Variants in AGMO observed in about 807,000 individuals in gnomAD.
The protein encoded by AGMO is glyceryl-ether monooxygenase.
In AGMO, 75 loss-of-function variants were observed where a neutral mutation model predicts 60.2. The observed-to-expected ratio is 1.25, with a 90% CI of 1.03 to 1.51. The LOEUF (loss-of-function observed/expected upper bound fraction) is 1.51. Ranked by LOEUF, AGMO falls within the 40% of genes most tolerant of loss-of-function variation. AGMO has a pLI of 0.00. For synonymous variants in AGMO, 261 were observed against 177.1 expected (o/e 1.47, Z -3.76); for missense variants, 763 against 525.5 (o/e 1.45, Z -4.42).
At chr7:15,425,437 ATT>A (rs34010266) in intron 4 of AGMO, among the ~76,000 whole-genome samples, 3 of 143,450 alleles carry the variant, frequency 2.1e-5, no homozygotes, top group Admixed American at 7.0e-5. Flanking sequence ...TGTTTATTTT[ATT>A]TTTTTTTTTT....
chr7:15,467,073 A>G (rs1298531482), intron 3 of AGMO, among the ~76,000 whole-genome samples: 3 of 152,192 alleles, frequency 2.0e-5, no homozygotes, highest in South Asian at 4.1e-4. Context: ...ATATAGTTCT[A>G]TAATACTGCT....
At position 15,354,385 on chromosome 7, in the gene AGMO, T is replaced by TGTGTATACAC. The variant is rs1455945717; in HGVS notation, c.1263+11128_1263+11129insGTGTATACAC. Among the ~76,000 whole-genome samples the TGTGTATACAC allele has an allele frequency of 1.9e-3, 18 of 9,672 alleles. 1 individual carries two copies. Among genetic ancestry groups the TGTGTATACAC allele is most frequent in the South Asian group, 4.3e-3 (1 of 232 alleles). The allele number at this position is 9,672 out of a possible 152,430, so 6.3% of individuals were successfully genotyped here. ...GTGTATATAGACGTGTGTATACACG[T>TGTGTATACAC]GTGTGTATACACGTGTGTGTACACA... On this transcript the variant is annotated intron_variant, in intron 12 of 12. Coordinates refer to ENST00000342526, the MANE Select transcript of AGMO (RefSeq NM_001004320.2).
At chr7:15,185,992 G>T in the AGMO span, among the ~76,000 whole-genome samples, 2 of 152,174 alleles carry the variant, frequency 1.3e-5, no homozygotes, top group African/African-American at 4.8e-5. Context: ...TTGTGGGCAA[G>T]ATGTCTAGTT....
intron 12 of AGMO, among the ~76,000 whole-genome samples, chr7:15,222,833 T>C (rs1330793255): frequency 3.9e-5 from 6 of 152,042 alleles, no homozygotes; most frequent in Non-Finnish European, 8.8e-5. Flanking sequence ...CCATATACTT[T>C]AGTGTTCATT....
At chr7:15,547,697 G>A (rs1006733385) in intron 2 of AGMO, among the ~76,000 whole-genome samples, 5 of 152,172 alleles carry the variant, frequency 3.3e-5, no homozygotes, top group East Asian at 3.9e-4. Context: ...TGCTAGCACA[G>A]CAGTCTGAGA....
At chr7:15,480,978 A>G (rs1162887280) in intron 3 of AGMO, among the ~76,000 whole-genome samples, 3 of 152,088 alleles carry the variant, frequency 2.0e-5, no homozygotes, top group Admixed American at 6.6e-5. Context: ...ATGTATAAAC[A>G]TTATGTTTAT....
chr7:15,543,427 G>A (rs1784684620), intron 3 of AGMO, among the ~76,000 whole-genome samples: 1 of 152,176 alleles, frequency 6.6e-6, no homozygotes, highest in Admixed American at 6.6e-5. Flanking sequence ...CAGTGAACCA[G>A]TGCAGTAAGA....
At chr7:15,557,233 T>C (rs1274241859) in intron 2 of AGMO, among the ~76,000 whole-genome samples, 2 of 152,136 alleles carry the variant, frequency 1.3e-5, no homozygotes, top group African/African-American at 4.8e-5. Context: ...TGATTTCCAC[T>C]TCTTTTGTCA....
intron 12 of AGMO, among the ~76,000 whole-genome samples, chr7:15,208,310 A>G (rs1215511688): frequency 2.0e-5 from 3 of 152,216 alleles, no homozygotes; most frequent in Non-Finnish European, 4.4e-5. Flanking sequence ...AACATTTGGA[A>G]GAACACTGAC....
At position 15,321,818 on chromosome 7, in the gene AGMO, C is replaced by T. The variant is rs1781116880; in HGVS notation, c.1263+43696G>A. Among the ~76,000 whole-genome samples the T allele has an allele frequency of 2.6e-5, 4 of 152,096 alleles. No homozygotes were observed. In the South Asian group the frequency reaches 8.3e-4, roughly 32 times the overall value. ...TATGGCTAGATTGATTATTATTCCC[C>T]ATAGGCTAGTAAATAGTCGATTTTT... On this transcript the variant is annotated intron_variant, in intron 12 of 12. Transcript: ENST00000342526.
chr7:15,359,053 G>A (rs935579168), intron 12 of AGMO, among the ~76,000 whole-genome samples: 3 of 151,976 alleles, frequency 2.0e-5, no homozygotes, highest in Non-Finnish European at 2.9e-5. Flanking sequence ...ACTTTGGGAG[G>A]CCAAGACAGG....
At chr7:15,389,908 G>A (rs183243852) in intron 8 of AGMO, among the ~76,000 whole-genome samples, 3 of 152,210 alleles carry the variant, frequency 2.0e-5, no homozygotes, top group East Asian at 1.9e-4. Flanking sequence ...AGTGAAACTC[G>A]AAGTAGTCTG....
intron 10 of AGMO, among the ~76,000 whole-genome samples, chr7:15,372,446 ACT>A (rs780538991): frequency 2.8e-4 from 43 of 152,136 alleles, no homozygotes; most frequent in Non-Finnish European, 4.6e-4. Context: ...TCACAGCGAG[ACT>A]CTGTCTCAAA....
At chr7:15,340,467 G>A (rs977977330) in intron 12 of AGMO, among the ~76,000 whole-genome samples, 11 of 152,170 alleles carry the variant, frequency 7.2e-5, no homozygotes, top group Admixed American at 3.3e-4. Context: ...TCCTGTCACA[G>A]GCCAGGAGGC....
At chr7:15,456,934 T>C (rs1202569552) in intron 3 of AGMO, among the ~76,000 whole-genome samples, 3 of 152,116 alleles carry the variant, frequency 2.0e-5, no homozygotes. Flanking sequence ...TCCATCTTAT[T>C]ACTACAATTT....
chr7:15,256,257 T>G (rs768634511), intron 12 of AGMO, among the ~76,000 whole-genome samples: 8 of 152,232 alleles, frequency 5.3e-5, no homozygotes, highest in Non-Finnish European at 1.2e-4. Context: ...TGTACAGTCA[T>G]GTACCACATA....
At chr7:15,412,086 C>T (rs1165655324) in intron 5 of AGMO, among the ~76,000 whole-genome samples, 2 of 152,090 alleles carry the variant, frequency 1.3e-5, no homozygotes, top group Non-Finnish European at 2.9e-5. Flanking sequence ...TTCTCTTTAT[C>T]TGTTAGCTTC....
intron 3 of AGMO, among the ~76,000 whole-genome samples, chr7:15,521,787 C>G (rs185296758): frequency 2.0e-3 from 304 of 152,196 alleles, no homozygotes; most frequent in African/African-American, 6.4e-3. Flanking sequence ...AAAACTGGCA[C>G]AAGACAAAGA....
At chr7:15,353,701 T>A (rs1703065936) in intron 12 of AGMO, among the ~76,000 whole-genome samples, 1 of 152,176 alleles carries the variant, frequency 6.6e-6, no homozygotes, top group South Asian at 2.1e-4. Flanking sequence ...GACATAATAT[T>A]AAAATACATT....
Sources: gnomAD v4.1 joint callset for allele counts (sites outside exome capture counted in the v4.1 genomes callset) on GRCh38, gnomAD v4.1.1 for gene constraint, MANE v1.5 for transcripts, NCBI Gene and HGNC (gene_info 2026-07-23, HGNC 2026-07-21) for gene names.